Variants in SMARCAL1 observed in about 807,000 individuals in gnomAD.
The protein encoded by SMARCAL1 is SNF2 related chromatin remodeling annealing helicase 1.
Under a neutral mutation model 94.5 loss-of-function variants are expected in SMARCAL1, and 58 were observed. The observed-to-expected ratio is 0.61, with a 90% confidence interval of 0.50 to 0.76. The LOEUF (loss-of-function observed/expected upper bound fraction) is 0.76. Ranked by LOEUF, SMARCAL1 falls within the 30% of genes least tolerant of loss-of-function variation. SMARCAL1 has a pLI of 0.00. For synonymous variants in SMARCAL1, 422 were observed against 455.1 expected (o/e 0.93, Z 0.93); for missense variants, 1,051 against 1,177.9 (o/e 0.89, Z 1.58).
At chr2:216,441,337 C>G (rs1220240729) in intron 10 of SMARCAL1, among the ~76,000 whole-genome samples, 10 of 152,166 alleles carry the variant, frequency 6.6e-5, no homozygotes, top group Admixed American at 6.5e-4. Flanking sequence ...CCCCACAGCA[C>G]TATTGGCTGG....
chr2:216,477,716 T>A (rs1695118392), intron 16 of SMARCAL1, among the ~76,000 whole-genome samples: 1 of 152,160 alleles, frequency 6.6e-6, no homozygotes, highest in Non-Finnish European at 1.5e-5. Context: ...GGGTTTTCTG[T>A]CTGTTACCTA....
chr2:216,444,431 T>C (rs1039903197), intron 10 of SMARCAL1, among the ~76,000 whole-genome samples: 1 of 152,216 alleles, frequency 6.6e-6, no homozygotes, highest in African/African-American at 2.4e-5. Context: ...GAAGAATTTC[T>C]GGACTGCTTC....
chr2:216,446,926 G>A, intron 10 of SMARCAL1, 92 bp from the exon 11 acceptor site: 1 of 1,503,364 alleles, frequency 6.7e-7, no homozygotes, highest in South Asian at 1.1e-5. Flanking sequence ...CTTTTTCTGG[G>A]GGCATCCAGC....
chr2:216,438,493 C>G lies in SMARCAL1; in HGVS notation c.1710+8C>G. ...GCTATGCCGGTCCTAAAGGTGAGTA[C>G]TTCTGAGAACTGAGCCCACTGAGCA... is the stretch of plus-strand genomic sequence containing the variant. On this transcript the variant is annotated splice_region_variant and intron_variant, in intron 10 of 17. Coordinates refer to ENST00000357276, the MANE Select transcript of SMARCAL1 (RefSeq NM_014140.4). 6.2e-7 allele frequency: 1 copy of G among 1,612,478 alleles called. No homozygotes were observed. Among genetic ancestry groups the G allele is most frequent in the Non-Finnish European group, 8.5e-7 (1 of 1,178,760 alleles).
chr2:216,428,698 C>T lies in SMARCAL1; in HGVS notation c.1250C>T (p.Thr417Met), dbSNP rs759517115. ...CTCAAGAAGACATCTCTCAGTCTCA[C>T]GCCAGATGTCCCAGAGGCAGACCTT... is the stretch of plus-strand genomic sequence containing the variant. ...SQLKKTSLSL[T>M]PDVPEADLSE... Residue 417 changes from threonine (T) to methionine (M), a missense_variant, in exon 7 of 18, where the codon ACG (threonine) becomes ATG (methionine). Thr to Met is a moderately conservative substitution (Grantham distance 81). This residue lies in a region of SMARCAL1 where 642 missense variants were observed against 754.7 expected (regional missense o/e 0.85). Transcript: ENST00000357276. The T allele has an allele frequency of 2.9e-5, 46 of 1,614,010 alleles. 1 individual carries two copies. The Admixed American group carries it at 3.3e-4, about 12-fold the overall frequency.
rs925951702 is a variant in SMARCAL1 at position 216,482,258 on chromosome 2, G to C, written c.2626-480G>C. ...ATTTGAGCTCAGGAGTTCGAGACCA[G>C]CCTGGGCAACATTTAGTGAGATCCC... On this transcript the variant is annotated intron_variant, in intron 17 of 17. Transcript: ENST00000357276. This position sits in a 1 kb window ranked among gnomAD's most constrained non-coding sequence, Gnocchi z 4.3. Among the ~76,000 whole-genome samples, 10 of 152,010 alleles carry C rather than the reference G, an allele frequency of 6.6e-5. No individual in the cohort carries two copies. The highest frequency in any genetic ancestry group is 6.6e-4 in the Admixed American group (10 of 15,244).
intron 12 of SMARCAL1, among the ~76,000 whole-genome samples, chr2:216,458,992 A>G (rs1357872045): frequency 6.6e-6 from 1 of 152,226 alleles, no homozygotes; most frequent in African/African-American, 2.4e-5. Flanking sequence ...AAGTCTCAGG[A>G]TACAAAATCA....
chr2:216,444,678 T>C (rs284545), intron 10 of SMARCAL1, among the ~76,000 whole-genome samples: 71,871 of 151,978 alleles, frequency 0.47, 19,834 homozygotes, highest in African/African-American at 0.78. Context: ...GCACTGCACC[T>C]GGCTAATTTT....
chr2:216,426,333 C>G (rs182637596), intron 6 of SMARCAL1, among the ~76,000 whole-genome samples: 169 of 152,318 alleles, frequency 1.1e-3, no homozygotes, highest in Non-Finnish European at 1.9e-3. Flanking sequence ...AAAACCATGA[C>G]TTGTGACTCA....
chr2:216,469,142 A>C (rs558882980), intron 14 of SMARCAL1, among the ~76,000 whole-genome samples: 2 of 152,246 alleles, frequency 1.3e-5, no homozygotes, highest in East Asian at 3.9e-4. Flanking sequence ...CCATGTTGTC[A>C]TACTATATTC....
intron 9 of SMARCAL1, among the ~76,000 whole-genome samples, chr2:216,436,376 A>G (rs937385189): frequency 6.6e-6 from 1 of 152,218 alleles, no homozygotes; most frequent in African/African-American, 2.4e-5. Context: ...CTTCCTAAGG[A>G]AAGTCTAGAC....
intron 7 of SMARCAL1, among the ~76,000 whole-genome samples, chr2:216,430,850 A>T (rs1281382928): frequency 2.0e-5 from 3 of 152,248 alleles, no homozygotes; most frequent in African/African-American, 7.2e-5. Flanking sequence ...TAAATCAGAA[A>T]GTGAGGTAAA....
chr2:216,464,690 C>CCTCT (rs201474101), intron 13 of SMARCAL1, 23 bp downstream of exon 13: 2 of 1,466,864 alleles, frequency 1.4e-6, no homozygotes, highest in African/African-American at 1.4e-5. Context: ...TAAGTGTCGA[C>CCTCT]CTCTCTCTCT....
At chr2:216,476,783 T>C (rs1479190257) in intron 15 of SMARCAL1, among the ~76,000 whole-genome samples, 1 of 152,206 alleles carries the variant, frequency 6.6e-6, no homozygotes, top group African/African-American at 2.4e-5. Context: ...CCCCTCCCCA[T>C]GCAGCCTGAT....
intron 12 of SMARCAL1, among the ~76,000 whole-genome samples, chr2:216,452,952 A>G (rs1694482386): frequency 1.3e-5 from 2 of 152,326 alleles, no homozygotes; most frequent in South Asian, 2.1e-4. Flanking sequence ...AACTTTAGGT[A>G]GCTATACAAA....
chr2:216,446,746 A>G (rs972742781), intron 10 of SMARCAL1: 17 of 599,498 alleles, frequency 2.8e-5, no homozygotes, highest in Non-Finnish European at 5.3e-5. Flanking sequence ...CTTGATCTCA[A>G]GAGGCTTGCA....
chr2:216,422,110 G>A (rs1693735605), intron 5 of SMARCAL1, among the ~76,000 whole-genome samples: 2 of 152,106 alleles, frequency 1.3e-5, no homozygotes, highest in African/African-American at 2.4e-5. Flanking sequence ...TACGGGCCGG[G>A]TGTTGTGGCC....
In SMARCAL1 at chr2:216,417,542, C is replaced by T. The variant is rs557996917; in HGVS notation, c.862+1235C>T. 2.0e-5 allele frequency among the ~76,000 whole-genome samples: 3 copies of T among 152,290 alleles called. No individual in the cohort carries two copies. The South Asian group carries it at 6.2e-4, about 32-fold the overall frequency. On this transcript the variant is annotated intron_variant, in intron 4 of 17. Transcript: ENST00000357276. ...AGAAGAACACCAGTCATTGGATTAT[C>T]GCCCACCTTGGTGACCTCATTTAAC...
In SMARCAL1 at chr2:216,475,127, T is replaced by C; in HGVS notation, c.2245-142T>C. 2.8e-6 allele frequency: 2 copies of C among 724,224 alleles called. No homozygotes were observed. The highest frequency in any genetic ancestry group is 2.3e-6 in the Non-Finnish European group (1 of 430,672). The allele number at this position is 724,224 out of a possible 1,614,324, so 44.9% of individuals were successfully genotyped here. On this transcript the variant is annotated intron_variant, in intron 14 of 17. Transcript: ENST00000357276. The surrounding 1 kb of genome is among the most constrained non-coding windows in gnomAD (Gnocchi z 4.4). ...ATAAGCAGTCATCTCAATACCAATG[T>C]CAATTTGAAAAGAAAAGCTCTGAAG...
Sources: gnomAD v4.1 joint callset for allele counts (sites outside exome capture counted in the v4.1 genomes callset) on GRCh38, gnomAD v4.1.1 for gene constraint, gnomAD v4.1.1 regional missense constraint, Gnocchi (gnomAD v3.1) non-coding constraint, MANE v1.5 for transcripts, NCBI Gene and HGNC (gene_info 2026-07-23, HGNC 2026-07-21) for gene names.